ING3: variants seen among roughly 807,000 people sequenced by gnomAD.
ING3 encodes inhibitor of growth protein 3.
In ING3, 6 loss-of-function variants were observed where a neutral mutation model predicts 64.8. That is an observed-to-expected ratio of 0.09 (90% CI 0.05 to 0.18). The LOEUF is 0.18. Among genes scored for constraint, ING3 ranks in the 10% least tolerant of loss-of-function variants. The pLI is 1.00. For synonymous variants in ING3, 170 were observed against 173.7 expected, an observed-to-expected ratio of 0.98 and a Z score of 0.17; for missense variants, 310 against 489.7, an observed-to-expected ratio of 0.63 and a Z score of 3.46.
chr7:120,972,657 A>C (rs1050882814), intron 10 of ING3, among the ~76,000 whole-genome samples: 2 of 152,222 alleles, frequency 1.3e-5, no homozygotes, highest in Non-Finnish European at 2.9e-5. Context: ...GCAGAGAATC[A>C]GAAGATATGC....
At chr7:120,967,266 C>T (rs1191436282) in intron 6 of ING3, among the ~76,000 whole-genome samples, 1 of 152,012 alleles carries the variant, frequency 6.6e-6, no homozygotes, top group Non-Finnish European at 1.5e-5. Flanking sequence ...ACAAAATTTC[C>T]CTCACATTGT....
Position 120,971,043 on chromosome 7 carries a change from G to T in ING3, c.1101+163G>T, listed in dbSNP as rs181865120. 22 of 787,334 alleles carry T rather than the reference G, an allele frequency of 2.8e-5. No individual in the cohort carries two copies. In the Admixed American group the frequency reaches 6.2e-4, roughly 22 times the overall value. The allele number at this position is 787,334 out of a possible 1,614,324, so 48.8% of individuals were successfully genotyped here. A position where few individuals can be genotyped will look rare whatever the true frequency, so the allele number is the denominator to read the frequency against. On this transcript the variant is annotated intron_variant, in intron 10 of 11. Transcript: ENST00000315870. The stretch of plus-strand genomic sequence containing the variant: ...AAGTGACATTTGCTGTAAATACTGA[G>T]TATAAAGAAAAATGTTACCCATAAT...
Position 120,974,895 on chromosome 7 carries a change from A to T in ING3, c.*51A>T. 8.0e-7 allele frequency: 1 copy of T among 1,254,902 alleles called. No individual in the cohort carries two copies. Among genetic ancestry groups the T allele is most frequent in the Non-Finnish European group, 1.1e-6 (1 of 880,614 alleles). 77.7% of individuals were successfully genotyped at this position (1,254,902 alleles called of 1,614,324 possible). A position where few individuals can be genotyped will look rare whatever the true frequency, so the allele number is the denominator to read the frequency against. ...AATAAACTTCAGCTGAAGATTTTATATAGGACTTTAAAAAGAAGAGAAGAG... is the reference window on the plus strand; with the variant it reads ...AATAAACTTCAGCTGAAGATTTTATTTAGGACTTTAAAAAGAAGAGAAGAG... On this transcript the variant is annotated 3_prime_UTR_variant, in exon 12 of 12. Coordinates refer to ENST00000315870, the MANE Select transcript of ING3 (RefSeq NM_019071.3).
chr7:120,966,950 C>T (rs1348806580), intron 6 of ING3, among the ~76,000 whole-genome samples: 2 of 152,162 alleles, frequency 1.3e-5, no homozygotes, highest in Non-Finnish European at 2.9e-5. Flanking sequence ...CCTTCATACA[C>T]ATACCTGATT....
intron 8 of ING3, among the ~76,000 whole-genome samples, chr7:120,968,763 T>C (rs146513712): frequency 2.4e-4 from 36 of 150,050 alleles, no homozygotes; most frequent in African/African-American, 7.2e-4. Context: ...GGAGAATTGC[T>C]TGAACCTGAG....
At chr7:120,966,865 G>A (rs1796003400) in intron 6 of ING3, among the ~76,000 whole-genome samples, 168 bp downstream of exon 6, 1 of 152,058 alleles carries the variant, frequency 6.6e-6, no homozygotes, top group African/African-American at 2.4e-5. Flanking sequence ...GGGAGCATAT[G>A]TGATTCGGAA....
chr7:120,953,441 T>C, intron 3 of ING3, 37 bp downstream of exon 3: 1 of 1,227,964 alleles, frequency 8.1e-7, no homozygotes, highest in Non-Finnish European at 1.2e-6. Flanking sequence ...TCAAGAAATA[T>C]TGGGACCCTC....
chr7:120,954,327 G>A (rs1795812434), intron 3 of ING3, among the ~76,000 whole-genome samples: 1 of 152,024 alleles, frequency 6.6e-6, no homozygotes, highest in Non-Finnish European at 1.5e-5. Flanking sequence ...TCGAGAGACT[G>A]AGACAGGAGA....
At chr7:120,973,357 T>G in intron 11 of ING3, 114 bp downstream of exon 11, 1 of 689,514 alleles carries the variant, frequency 1.5e-6, no homozygotes, top group Non-Finnish European at 2.6e-6. Flanking sequence ...TGCAGGTATA[T>G]TAGTTATATT....
At chr7:120,958,788 T>A (rs559781046) in intron 4 of ING3, among the ~76,000 whole-genome samples, 30 of 152,336 alleles carry the variant, frequency 2.0e-4, no homozygotes, top group South Asian at 4.1e-4. Flanking sequence ...TAAAAAGAAC[T>A]CAGGCAATCT....
intron 10 of ING3, among the ~76,000 whole-genome samples, chr7:120,972,973 G>T (rs1796088974): frequency 6.6e-6 from 1 of 152,138 alleles, no homozygotes; most frequent in African/African-American, 2.4e-5. Flanking sequence ...TATATGTCAA[G>T]TTCTTCCAGA....
At chr7:120,957,093 C>T (rs10281679) in intron 4 of ING3, 3,909 of 165,568 alleles carry the variant, frequency 0.024, 180 homozygotes, top group African/African-American at 0.088. Flanking sequence ...AATACTAGGC[C>T]GGGCGCAGTG....
intron 4 of ING3, among the ~76,000 whole-genome samples, chr7:120,963,986 A>G (rs1795966936): frequency 1.3e-5 from 2 of 152,126 alleles, no homozygotes; most frequent in South Asian, 2.1e-4. Flanking sequence ...TTGAAAAAAT[A>G]TTAAAATATT....
chr7:120,969,176 G>C lies in ING3; in HGVS notation c.880G>C (p.Ala294Pro), dbSNP rs1246290036. 1.2e-6 allele frequency: 2 copies of C among 1,613,664 alleles called. No individual in the cohort carries two copies. The highest frequency in any genetic ancestry group is 1.7e-6 in the Non-Finnish European group (2 of 1,179,830). Residue 294 changes from alanine (A) to proline (P), a missense_variant, in exon 9 of 12, where the codon GCC (alanine) becomes CCC (proline). Physicochemically the swap from Ala to Pro is conservative, Grantham distance 27. Coordinates refer to ENST00000315870, the MANE Select transcript of ING3 (RefSeq NM_019071.3). Reference protein sequence around the residue: ...TLTQNASSSAADSRSGRKSKN... With the variant: ...TLTQNASSSAPDSRSGRKSKN... ...AACACAGAATGCCAGTTCATCAGCA[G>C]CCGACTCACGGAGTGGTCGAAAGAG...
intron 5 of ING3, among the ~76,000 whole-genome samples, chr7:120,965,878 G>A (rs916514979): frequency 1.3e-5 from 2 of 152,126 alleles, no homozygotes; most frequent in South Asian, 2.1e-4. Context: ...TAAAAATTCT[G>A]TATCTGCTTT....
chr7:120,965,464 T>C (rs907304726), intron 5 of ING3, among the ~76,000 whole-genome samples: 4 of 152,186 alleles, frequency 2.6e-5, no homozygotes, highest in African/African-American at 9.7e-5. Context: ...ATTTAGCATT[T>C]CTTCAACCTA....
intron 10 of ING3, among the ~76,000 whole-genome samples, chr7:120,971,334 G>T (rs1796067564): frequency 1.3e-5 from 2 of 151,948 alleles, no homozygotes; most frequent in Middle Eastern, 3.2e-3. Context: ...GTGTGCTCTG[G>T]TGTCTTTTCT....
chr7:120,956,368 A>G lies in ING3; in HGVS notation c.267+744A>G, dbSNP rs570060876. On this transcript the variant is annotated intron_variant, in intron 4 of 11. Coordinates refer to ENST00000315870, the MANE Select transcript of ING3 (RefSeq NM_019071.3). ...TGGCTAACTTCAGTGTATAGATTTC[A>G]TACTTATGTTGTCTTTCCTGGGTAC... 2.2e-6 allele frequency: 3 copies of G among 1,349,064 alleles called. No homozygotes were observed. The African/African-American group carries it at 4.4e-5, about 20-fold the overall frequency. The allele number at this position is 1,349,064 out of a possible 1,614,324, so 83.6% of individuals were successfully genotyped here.
chr7:120,959,630 A>ATT (rs397889009), intron 4 of ING3, among the ~76,000 whole-genome samples: 971 of 55,744 alleles, frequency 0.017, 105 homozygotes, highest in Middle Eastern at 0.023. Context: ...ACTTCCTCAC[A>ATT]TTTTTTTTTT....
Sources: gnomAD v4.1 joint callset for allele counts (sites outside exome capture counted in the v4.1 genomes callset) on GRCh38, gnomAD v4.1.1 for gene constraint, MANE v1.5 for transcripts, NCBI Gene and HGNC (gene_info 2026-07-23, HGNC 2026-07-21) for gene names.